NTM: variants seen among roughly 807,000 people sequenced by gnomAD.
The protein encoded by NTM is IgLON family member 2.
Under a neutral mutation model 42.1 loss-of-function variants are expected in NTM, and 13 were observed. That is an observed-to-expected ratio of 0.31 (90% CI 0.20 to 0.49). The LOEUF is 0.49. Among genes scored for constraint, NTM ranks in the 20% least tolerant of loss-of-function variants. NTM has a pLI of 0.99. For synonymous variants in NTM, 187 were observed against 179.2 expected, an observed-to-expected ratio of 1.04 and a Z score of -0.35; for missense variants, 373 against 452.8, an observed-to-expected ratio of 0.82 and a Z score of 1.60.
At chr11:131,622,108 G>A (rs929450219) in intron 1 of NTM, among the ~76,000 whole-genome samples, 13 of 152,094 alleles carry the variant, frequency 8.5e-5, no homozygotes, top group Non-Finnish European at 1.3e-4. Context: ...GGCCTGAGTG[G>A]GAGGATGGGG....
intron 1 of NTM, among the ~76,000 whole-genome samples, chr11:131,907,064 T>A (rs941534655): frequency 6.6e-6 from 1 of 152,224 alleles, no homozygotes; most frequent in African/African-American, 2.4e-5. Flanking sequence ...CACACCACTC[T>A]CTAATGGCCC....
chr11:132,288,692 C>T (rs1591767690), intron 4 of NTM, among the ~76,000 whole-genome samples: 2 of 151,992 alleles, frequency 1.3e-5, no homozygotes, highest in South Asian at 2.1e-4. Flanking sequence ...CGATCTTGGC[C>T]CACTGCAACC....
At chr11:131,523,768 G>A (rs557159689) in intron 1 of NTM, among the ~76,000 whole-genome samples, 3 of 124,812 alleles carry the variant, frequency 2.4e-5, no homozygotes, top group South Asian at 5.5e-4. Context: ...GGCTGACAGA[G>A]CGAGACTCCA....
intron 1 of NTM, among the ~76,000 whole-genome samples, chr11:131,859,703 G>A (rs989525275): frequency 6.6e-6 from 1 of 152,142 alleles, no homozygotes; most frequent in Non-Finnish European, 1.5e-5. Context: ...TGCATCCCAT[G>A]GTGAATGCTA....
At chr11:132,154,965 G>A (rs543945352) in intron 3 of NTM, among the ~76,000 whole-genome samples, 3 of 152,246 alleles carry the variant, frequency 2.0e-5, no homozygotes, top group Non-Finnish European at 4.4e-5. Context: ...TAATTTGGTG[G>A]CATGTTTTCT....
At chr11:131,720,653 C>T (rs2078223251) in intron 1 of NTM, among the ~76,000 whole-genome samples, 1 of 152,172 alleles carries the variant, frequency 6.6e-6, no homozygotes, top group African/African-American at 2.4e-5. Flanking sequence ...ATCATTCTGC[C>T]TTCCTGATAA....
At chr11:131,524,935 C>A (rs1320644366) in intron 1 of NTM, among the ~76,000 whole-genome samples, 1 of 152,202 alleles carries the variant, frequency 6.6e-6, no homozygotes, top group Non-Finnish European at 1.5e-5. Context: ...ATGGCACTGT[C>A]ATGAGGATTG....
intron 1 of NTM, among the ~76,000 whole-genome samples, chr11:131,517,516 C>T (rs972995506): frequency 1.3e-5 from 2 of 152,274 alleles, no homozygotes; most frequent in East Asian, 3.9e-4. Flanking sequence ...CTTCTTTCTG[C>T]TTACTTGTCA....
At chr11:131,721,928 G>A (rs1233278536) in intron 1 of NTM, among the ~76,000 whole-genome samples, 2 of 149,508 alleles carry the variant, frequency 1.3e-5, no homozygotes, top group Non-Finnish European at 1.5e-5. Context: ...GAACCCAGGA[G>A]GTGGAGATTG....
intron 2 of NTM, among the ~76,000 whole-genome samples, chr11:132,000,520 G>T (rs1393351768): frequency 1.3e-5 from 2 of 152,160 alleles, no homozygotes; most frequent in African/African-American, 4.8e-5. Context: ...CAAAGCATTT[G>T]GGGTGAATGT....
intron 1 of NTM, among the ~76,000 whole-genome samples, chr11:131,802,502 C>A (rs560948337): frequency 6.6e-6 from 1 of 152,226 alleles, no homozygotes; most frequent in Non-Finnish European, 1.5e-5. Flanking sequence ...GAGCAGCACC[C>A]TCTGTGGGAG....
intron 1 of NTM, among the ~76,000 whole-genome samples, chr11:131,823,868 G>A (rs2093289250): frequency 6.6e-6 from 1 of 152,174 alleles, no homozygotes; most frequent in Non-Finnish European, 1.5e-5. Context: ...TGCATTTAAA[G>A]TGCACAAATA....
Position 131,636,419 on chromosome 11 carries a change from C to A in NTM, c.82+265531C>A, listed in dbSNP as rs76242227. On this transcript the variant is annotated intron_variant, in intron 1 of 8. Coordinates refer to ENST00000683400, the MANE Select transcript of NTM (RefSeq NM_001352005.2). The stretch of plus-strand genomic sequence containing the variant: ...TCCTCCCTGCGGAACCCTCGGAAAC[C>A]AAATGAGCTCTCCCTATCCACAGGC... Among the ~76,000 whole-genome samples the A allele has an allele frequency of 6.1e-3, 922 of 152,310 alleles. 11 individuals are homozygous for A. The highest frequency in any genetic ancestry group is 0.021 in the African/African-American group (865 of 41,570).
intron 3 of NTM, among the ~76,000 whole-genome samples, chr11:132,153,070 C>A (rs2137462090): frequency 6.6e-6 from 1 of 152,320 alleles, no homozygotes; most frequent in South Asian, 2.1e-4. Flanking sequence ...CAACATCTCT[C>A]CAGGTAAGCA....
Position 132,041,231 on chromosome 11 carries a change from T to TAGAG in NTM, c.168-105027_168-105024dup, listed in dbSNP as rs10598969. On this transcript the variant is annotated intron_variant, in intron 2 of 8. Transcript: ENST00000683400. ...TGTGTGAGAGAGAGAGAGAGATAGA[T>TAGAG]AGAGAGAGAGAGAGAGAGAGAGAGA... is the stretch of plus-strand genomic sequence containing the variant. Among the ~76,000 whole-genome samples, 1,355 of 145,504 alleles carry TAGAG rather than the reference T, an allele frequency of 9.3e-3. 11 individuals carry two copies. The highest frequency in any genetic ancestry group is 0.011 in the Admixed American group (163 of 14,644).
At chr11:132,063,375 C>A (rs1428082621) in intron 2 of NTM, among the ~76,000 whole-genome samples, 2 of 152,172 alleles carry the variant, frequency 1.3e-5, no homozygotes, top group African/African-American at 4.8e-5. Context: ...AAGCTGGATT[C>A]TTCCAGAAGT....
intron 1 of NTM, among the ~76,000 whole-genome samples, chr11:131,858,493 G>T (rs2046321642): frequency 1.3e-5 from 2 of 152,166 alleles, no homozygotes; most frequent in Non-Finnish European, 2.9e-5. Context: ...AGTATTTTTT[G>T]AGTAAATCAA....
intron 1 of NTM, among the ~76,000 whole-genome samples, chr11:131,732,594 C>A (rs979552725): frequency 6.6e-6 from 1 of 152,184 alleles, no homozygotes; most frequent in East Asian, 1.9e-4. Flanking sequence ...TTGATTTCCA[C>A]GGGTGTTTCA....
At chr11:131,873,475 C>T (rs1213665018) in intron 1 of NTM, among the ~76,000 whole-genome samples, 1 of 150,692 alleles carries the variant, frequency 6.6e-6, no homozygotes, top group African/African-American at 2.4e-5. Flanking sequence ...ACATGTACAG[C>T]TATGTAGCAA....
Sources: allele counts gnomAD v4.1 joint callset (sites outside exome capture counted in the v4.1 genomes callset), GRCh38; gene constraint gnomAD v4.1.1; transcripts MANE v1.5; gene names NCBI Gene and HGNC (gene_info 2026-07-23, HGNC 2026-07-21).